The following UBE3C variants were observed in gnomAD, a reference collection of about 807,000 sequenced individuals.
UBE3C encodes the protein ubiquitin-protein ligase E3C.
A neutral mutation model predicts 129.4 loss-of-function variants in UBE3C; 42 were observed. That is an observed-to-expected ratio of 0.32 (90% CI 0.25 to 0.42). The LOEUF is 0.42. Among genes scored for constraint, UBE3C ranks in the 10% least tolerant of loss-of-function variants. The pLI is 1.00. For synonymous variants in UBE3C, 510 were observed against 492.4 expected (o/e 1.04, Z -0.47); for missense variants, 1,049 against 1,319.1 (o/e 0.80, Z 3.17).
chr7:157,246,796 C>T (rs577809267), intron 18 of UBE3C, among the ~76,000 whole-genome samples: 1 of 152,298 alleles, frequency 6.6e-6, no homozygotes, highest in African/African-American at 2.4e-5. Flanking sequence ...AACTGTTCTC[C>T]ACCTGTTCTC....
intron 1 of UBE3C, among the ~76,000 whole-genome samples, chr7:157,150,589 A>G (rs958818646): frequency 1.3e-5 from 2 of 152,222 alleles, no homozygotes; most frequent in African/African-American, 2.4e-5. Context: ...AACCGTTAAT[A>G]TAACAATGCA....
chr7:157,146,958 G>C (rs1406006700), intron 1 of UBE3C, among the ~76,000 whole-genome samples: 2 of 152,176 alleles, frequency 1.3e-5, no homozygotes, highest in Non-Finnish European at 2.9e-5. Context: ...ACCATAGTAA[G>C]CATTGAAGTC....
Position 157,157,433 on chromosome 7 carries a change from CTG to C in UBE3C, c.67-6374_67-6373del, listed in dbSNP as rs150658493. Among the ~76,000 whole-genome samples, 1,158 of 152,236 alleles carry C rather than the reference CTG, an allele frequency of 7.6e-3. 27 individuals are homozygous for C. Among genetic ancestry groups the C allele is most frequent in the African/African-American group, 0.027 (1,112 of 41,532 alleles). On this transcript the variant is annotated intron_variant, in intron 1 of 22. Transcript: ENST00000348165. Reference sequence around the variant, plus strand: ...AAATGAAAAAATTAAATGATTCAAACTGTGGAAACATAAAAAGTTAGACGCTG... The same window carrying C: ...AAATGAAAAAATTAAATGATTCAAACTGGAAACATAAAAAGTTAGACGCTG...
chr7:157,227,609 A>G (rs1228541764), intron 17 of UBE3C, among the ~76,000 whole-genome samples: 1 of 152,028 alleles, frequency 6.6e-6, no homozygotes, highest in Non-Finnish European at 1.5e-5. Flanking sequence ...CTGAGGCAGG[A>G]GAATGGCATG....
At chr7:157,203,731 A>C (rs1448840864) in intron 11 of UBE3C, among the ~76,000 whole-genome samples, 3 of 152,216 alleles carry the variant, frequency 2.0e-5, no homozygotes, top group Non-Finnish European at 4.4e-5. Context: ...TGATAATTTG[A>C]ATGTCTTTTT....
At chr7:157,245,636 C>T (rs1205848499) in intron 18 of UBE3C, among the ~76,000 whole-genome samples, 1 of 152,142 alleles carries the variant, frequency 6.6e-6, no homozygotes, top group Non-Finnish European at 1.5e-5. Flanking sequence ...AATCATTAGT[C>T]CTCAAATCAG....
At chr7:157,146,690 TG>T (rs1184114878) in intron 1 of UBE3C, among the ~76,000 whole-genome samples, 1 of 152,220 alleles carries the variant, frequency 6.6e-6, no homozygotes, top group Non-Finnish European at 1.5e-5. Context: ...GGGAGCCTCC[TG>T]TTGCCCAGGC....
intron 19 of UBE3C, among the ~76,000 whole-genome samples, chr7:157,249,431 C>G (rs755244400): frequency 5.3e-5 from 8 of 152,058 alleles, no homozygotes; most frequent in Non-Finnish European, 8.8e-5. Context: ...TTCTCCTGCC[C>G]CAGCTTCCCG....
intron 1 of UBE3C, among the ~76,000 whole-genome samples, chr7:157,157,033 C>G (rs960067460): frequency 6.6e-6 from 1 of 152,064 alleles, no homozygotes; most frequent in Non-Finnish European, 1.5e-5. Flanking sequence ...ATGTCCGGCC[C>G]AGGCGGTAGG....
intron 4 of UBE3C, among the ~76,000 whole-genome samples, chr7:157,172,200 AT>A (rs1201590343): frequency 4.0e-5 from 6 of 150,922 alleles, no homozygotes; most frequent in African/African-American, 1.5e-4. Flanking sequence ...CCTAGCTTAA[AT>A]TTTTTTGTAT....
intron 11 of UBE3C, among the ~76,000 whole-genome samples, chr7:157,204,047 G>A (rs28714421): frequency 0.25 from 37,390 of 152,126 alleles, 8,463 homozygotes; most frequent in African/African-American, 0.61. Flanking sequence ...TACTGAAAGC[G>A]TAAAAACAGA....
In UBE3C at chr7:157,183,192, C is replaced by T. The variant is rs141987052; in HGVS notation, c.992-686C>T. Among the ~76,000 whole-genome samples the T allele has an allele frequency of 5.5e-3, 832 of 152,256 alleles. 7 individuals carry two copies. Among genetic ancestry groups the T allele is most frequent in the South Asian group, 0.03 (144 of 4,826 alleles). ...CAGTTCAATTCTGATGCCGTCCACC[C>T]GGAGATAATGTCAGATCCCATCATC... On this transcript the variant is annotated intron_variant, in intron 8 of 22. Transcript: ENST00000348165.
In UBE3C at chr7:157,216,867, G is replaced by T; in HGVS notation, c.1810G>T (p.Val604Phe). ...ACGCGGATATGTTCTTTCTTTTCAG[G>T]TTATCACCAATCTAGTGAAAATGTT... is the stretch of plus-strand genomic sequence containing the variant. ...EQKRWIQLFK[V>F]ITNLVKMLKS... is the part of the protein sequence containing the mutation. Residue 604 changes from valine (V) to phenylalanine (F), a missense_variant and splice_region_variant, in exon 14 of 23, where the codon GTT becomes TTT. Around this residue, in one of 4 missense-constraint regions of UBE3C, gnomAD observed 314 missense variants for 416.9 expected, o/e 0.75. Transcript: ENST00000348165. 3 of 1,613,268 alleles carry T rather than the reference G, an allele frequency of 1.9e-6. No homozygotes were observed. The highest frequency in any genetic ancestry group is 2.5e-6 in the Non-Finnish European group (3 of 1,179,442).
In UBE3C at chr7:157,188,831, T is replaced by C. The variant is rs1426769240; in HGVS notation, c.1331+1810T>C. ...TTTTTTTAAAAAAGTATTTGAAAGA[T>C]GATTAGTATATTCCCAGGCTGATAA... On this transcript the variant is annotated intron_variant, in intron 10 of 22. Transcript: ENST00000348165. 7.1e-6 allele frequency: 3 copies of C among 421,696 alleles called. No individual in the cohort carries two copies. In the East Asian group the frequency reaches 1.0e-4, roughly 14 times the overall value. 26.1% of individuals were successfully genotyped at this position (421,696 alleles called of 1,614,324 possible).
intron 18 of UBE3C, among the ~76,000 whole-genome samples, chr7:157,242,147 T>C (rs1044087572): frequency 6.6e-6 from 1 of 152,220 alleles, no homozygotes; most frequent in Non-Finnish European, 1.5e-5. Flanking sequence ...CCAGTAAAGC[T>C]GTTACAAAGG....
intron 1 of UBE3C, among the ~76,000 whole-genome samples, chr7:157,157,566 C>T (rs989417713): frequency 1.3e-5 from 2 of 151,890 alleles, no homozygotes; most frequent in African/African-American, 4.9e-5. Flanking sequence ...TGCACATAGC[C>T]TTTGACCTAC....
chr7:157,161,108 C>T (rs1387391973), intron 1 of UBE3C, among the ~76,000 whole-genome samples: 1 of 152,142 alleles, frequency 6.6e-6, no homozygotes, highest in African/African-American at 2.4e-5. Flanking sequence ...GATTCTAGAA[C>T]AGATAAACAG....
intron 1 of UBE3C, among the ~76,000 whole-genome samples, chr7:157,151,793 G>T (rs910612199): frequency 1.3e-5 from 2 of 152,178 alleles, no homozygotes; most frequent in Admixed American, 1.3e-4. Flanking sequence ...AAGTCAGTCA[G>T]CCCTTGGTTT....
chr7:157,252,825 G>C (rs115339892), intron 19 of UBE3C, among the ~76,000 whole-genome samples: 2,850 of 152,288 alleles, frequency 0.019, 80 homozygotes, highest in African/African-American at 0.065. Flanking sequence ...TTTATTTTGG[G>C]CTTATTTTAT....
Sources: allele counts gnomAD v4.1 joint callset (sites outside exome capture counted in the v4.1 genomes callset), GRCh38; gene constraint gnomAD v4.1.1; regional missense constraint gnomAD v4.1.1; transcripts MANE v1.5; gene names NCBI Gene and HGNC (gene_info 2026-07-23, HGNC 2026-07-21).